Variants in PARVA observed in about 807,000 individuals in gnomAD.
PARVA encodes alpha-parvin.
Under a neutral mutation model 52.6 loss-of-function variants are expected in PARVA, and 25 were observed. That is an observed-to-expected ratio of 0.48 (90% CI 0.35 to 0.66). The LOEUF is 0.66. PARVA is among the 30% of genes least tolerant of loss of function. The pLI is 0.01. For synonymous variants in PARVA, 185 were observed against 179.1 expected, an observed-to-expected ratio of 1.03 and a Z score of -0.26; for missense variants, 373 against 450.9, an observed-to-expected ratio of 0.83 and a Z score of 1.56.
At chr11:12,513,090 G>C in intron 8 of PARVA, 3 of 688,172 alleles carry the variant, frequency 4.4e-6, no homozygotes, top group Non-Finnish European at 8.0e-6. Flanking sequence ...CACATGCACG[G>C]ACACAGACAC....
intron 1 of PARVA, among the ~76,000 whole-genome samples, chr11:12,404,310 G>C (rs1378395916): frequency 1.3e-5 from 2 of 152,142 alleles, no homozygotes; most frequent in Admixed American, 1.3e-4. Context: ...CTTATGATTT[G>C]GGGAGATGAG....
rs368738082 is a variant in PARVA at position 12,527,851 on chromosome 11, A to G, written c.1045A>G (p.Ile349Val). The stretch of plus-strand genomic sequence containing the variant: ...GGTGTTTTTTGTTTTCTACGCAGAC[A>G]TAGTCAACTGTGACCTGAAATCTAC... ...LEKPKPRPED[I>V]VNCDLKSTLR... is the part of the protein sequence containing the mutation. The change falls in exon 13 of 13, where the codon ATA becomes GTA. Residue 349 changes from isoleucine to valine, a missense_variant and splice_region_variant. Physicochemically the swap from Ile to Val is conservative, Grantham distance 29. Coordinates refer to ENST00000334956, the MANE Select transcript of PARVA (RefSeq NM_018222.5). The G allele has an allele frequency of 1.7e-4, 273 of 1,612,330 alleles. No individual in the cohort carries two copies. Among genetic ancestry groups the G allele is most frequent in the Non-Finnish European group, 2.1e-4 (246 of 1,178,664 alleles).
At position 12,533,838 on chromosome 11, in the gene PARVA, G is replaced by A. The variant is rs1422186063; in HGVS notation, c.*5913G>A. Among the ~76,000 whole-genome samples, 7 of 119,240 alleles carry A rather than the reference G, an allele frequency of 5.9e-5. No individual in the cohort carries two copies. The highest frequency in any genetic ancestry group is 9.0e-5 in the Non-Finnish European group (5 of 55,360). The allele number at this position is 119,240 out of a possible 152,430, so 78.2% of individuals were successfully genotyped here. A position where few individuals can be genotyped will look rare whatever the true frequency, so the allele number is the denominator to read the frequency against. ...GAGGAGGAGGAGGAGGAGGAGTAGG[G>A]GTTGGTCTTGCTGTCTGAGGGGTGG... On this transcript the variant is annotated 3_prime_UTR_variant, in exon 13 of 13. Transcript: ENST00000334956.
intron 3 of PARVA, among the ~76,000 whole-genome samples, chr11:12,476,826 G>A (rs1941020571): frequency 6.6e-6 from 1 of 152,186 alleles, no homozygotes; most frequent in Non-Finnish European, 1.5e-5. Context: ...CCCACCCAGG[G>A]ATGGCAACGC....
At position 12,452,174 on chromosome 11, in the gene PARVA, C is replaced by T. The variant is rs371953683; in HGVS notation, c.137-21571C>T. On this transcript the variant is annotated intron_variant, in intron 1 of 12. Transcript: ENST00000334956. ...TTATATGCAAGCGGAAACAGGTATA[C>T]GGTTCCAGGGCCTGCCTCCAGGCAG... Among the ~76,000 whole-genome samples the T allele has an allele frequency of 2.6e-4, 40 of 152,142 alleles. No individual in the cohort carries two copies. The East Asian group carries it at 7.5e-3, about 28-fold the overall frequency.
At chr11:12,387,705 T>C (rs1939592831) in intron 1 of PARVA, among the ~76,000 whole-genome samples, 1 of 141,404 alleles carries the variant, frequency 7.1e-6, no homozygotes, top group East Asian at 2.1e-4. Flanking sequence ...CCATGGGCAC[T>C]GATTTCCCAG....
chr11:12,449,658 G>C (rs925274785), intron 1 of PARVA, among the ~76,000 whole-genome samples: 2 of 152,144 alleles, frequency 1.3e-5, no homozygotes, highest in African/African-American at 4.8e-5. Flanking sequence ...GGGTGACTTT[G>C]CTCCCACCAG....
At chr11:12,507,265 G>A (rs1035076990) in intron 6 of PARVA, among the ~76,000 whole-genome samples, 6 of 152,256 alleles carry the variant, frequency 3.9e-5, no homozygotes, top group South Asian at 2.1e-4. Flanking sequence ...CCTTCTTCAC[G>A]CTCATCTCAG....
chr11:12,469,138 C>T (rs549418771), intron 1 of PARVA, among the ~76,000 whole-genome samples: 1 of 152,222 alleles, frequency 6.6e-6, no homozygotes, highest in South Asian at 2.1e-4. Context: ...TTGTTTTATA[C>T]CGAAGTTCAA....
In PARVA at chr11:12,535,031, GCTC is replaced by G. The variant is rs991716168; in HGVS notation, c.*7110_*7112del. Reference sequence around the variant, plus strand: ...TAGGCTAGGCTACGAGAGGCCATGAGCTCCTCATCTCTTCTCTGTTCTGAGCTC... The same window carrying G: ...TAGGCTAGGCTACGAGAGGCCATGAGCTCATCTCTTCTCTGTTCTGAGCTC... On this transcript the variant is annotated 3_prime_UTR_variant, in exon 13 of 13. Transcript: ENST00000334956. Among the ~76,000 whole-genome samples, 3 of 152,224 alleles carry G rather than the reference GCTC, an allele frequency of 2.0e-5. No homozygotes were observed. Among genetic ancestry groups the G allele is most frequent in the African/African-American group, 7.2e-5 (3 of 41,458 alleles).
At chr11:12,476,114 C>T (rs541708626) in intron 3 of PARVA, among the ~76,000 whole-genome samples, 345 of 152,260 alleles carry the variant, frequency 2.3e-3, no homozygotes, top group Middle Eastern at 0.014. Flanking sequence ...AGAATGGGCT[C>T]CAAATGGTTT....
chr11:12,453,360 A>G (rs1327086631), intron 1 of PARVA, among the ~76,000 whole-genome samples: 1 of 152,132 alleles, frequency 6.6e-6, no homozygotes, highest in Non-Finnish European at 1.5e-5. Flanking sequence ...GCTCCTACAT[A>G]ATGGTAGGAT....
At chr11:12,403,221 C>G (rs1463160048) in intron 1 of PARVA, among the ~76,000 whole-genome samples, 2 of 152,260 alleles carry the variant, frequency 1.3e-5, no homozygotes, top group African/African-American at 4.8e-5. Context: ...CCCCCTCCCT[C>G]TTCCATTCCT....
At chr11:12,483,828 A>G (rs1941121833) in intron 4 of PARVA, among the ~76,000 whole-genome samples, 1 of 152,186 alleles carries the variant, frequency 6.6e-6, no homozygotes, top group South Asian at 2.1e-4. Context: ...CTGCCTCTTC[A>G]TGACATACAC....
intron 1 of PARVA, among the ~76,000 whole-genome samples, chr11:12,455,939 T>C (rs368653021): frequency 6.6e-6 from 1 of 152,224 alleles, no homozygotes; most frequent in African/African-American, 2.4e-5. Flanking sequence ...ACTTTCACCA[T>C]GCCACCTGTT....
At chr11:12,486,490 A>G (rs1434925287) in intron 4 of PARVA, among the ~76,000 whole-genome samples, 3 of 152,070 alleles carry the variant, frequency 2.0e-5, no homozygotes, top group Non-Finnish European at 4.4e-5. Flanking sequence ...CCGAGATCAC[A>G]TCACTGTACT....
intron 1 of PARVA, among the ~76,000 whole-genome samples, chr11:12,458,979 CCTGG>C: frequency 6.6e-6 from 1 of 152,120 alleles, no homozygotes; most frequent in Non-Finnish European, 1.5e-5. Context: ...TCTTTCCTTT[CCTGG>C]GATTTCTTTC....
In PARVA at chr11:12,413,361, G is replaced by A. The variant is rs550624612; in HGVS notation, c.136+35578G>A. Among the ~76,000 whole-genome samples, 9 of 152,214 alleles carry A rather than the reference G, an allele frequency of 5.9e-5. No homozygotes were observed. The South Asian group carries it at 1.9e-3, about 32-fold the overall frequency. ...TGACTGTGCTCCAGGGGAAGGGAAG[G>A]GATTATCACACGAGGCAGAAATGTA... On this transcript the variant is annotated intron_variant, in intron 1 of 12. Transcript: ENST00000334956.
At position 12,388,142 on chromosome 11, in the gene PARVA, A is replaced by G. The variant is rs930140453; in HGVS notation, c.136+10359A>G. Among the ~76,000 whole-genome samples, 6 of 152,108 alleles carry G rather than the reference A, an allele frequency of 3.9e-5. No homozygotes were observed. The East Asian group carries it at 7.7e-4, about 20-fold the overall frequency. ...TCTCCTCACTTCAGCCCTCCCCCAA[A>G]AGACAGAACTCACCAAGAGGAGAAG... On this transcript the variant is annotated intron_variant, in intron 1 of 12. Coordinates refer to ENST00000334956, the MANE Select transcript of PARVA (RefSeq NM_018222.5).
Sources: allele counts gnomAD v4.1 joint callset (sites outside exome capture counted in the v4.1 genomes callset), GRCh38; gene constraint gnomAD v4.1.1; transcripts MANE v1.5; gene names NCBI Gene and HGNC (gene_info 2026-07-23, HGNC 2026-07-21).